The following DRC11 variants were observed in gnomAD, a reference collection of about 807,000 sequenced individuals.
DRC11 encodes dynein regulatory complex subunit 11, also known as IQ and AAA domain-containing protein 1.
the DRC11 span, among the ~76,000 whole-genome samples, chr2:236,421,297 A>G: frequency 1.3e-5 from 2 of 152,180 alleles, no homozygotes; most frequent in African/African-American, 4.8e-5. Flanking sequence ...GATCAACTAA[A>G]TTGATAGACT....
At chr2:236,464,825 C>G in the DRC11 span, among the ~76,000 whole-genome samples, 1 of 151,968 alleles carries the variant, frequency 6.6e-6, no homozygotes, top group Non-Finnish European at 1.5e-5. Context: ...TGTGGCACCA[C>G]CCCCTGCCGC....
chr2:236,503,256 G>A, the DRC11 span, among the ~76,000 whole-genome samples: 2 of 152,198 alleles, frequency 1.3e-5, no homozygotes, highest in East Asian at 1.9e-4. This position sits in a 1 kb window ranked among gnomAD's most constrained non-coding sequence, Gnocchi z 4.9. Flanking sequence ...ATCTCGGGTT[G>A]AAGAGGCTCC....
chr2:236,390,067 G>A, the DRC11 span, among the ~76,000 whole-genome samples: 2 of 152,170 alleles, frequency 1.3e-5, no homozygotes, highest in Non-Finnish European at 2.9e-5. The surrounding 1 kb of genome is among the most constrained non-coding windows in gnomAD (Gnocchi z 5.9). Context: ...ATTACTGAGA[G>A]TGGGATAGTG....
the DRC11 span, among the ~76,000 whole-genome samples, chr2:236,483,696 G>A: frequency 3.3e-5 from 5 of 152,190 alleles, no homozygotes; most frequent in East Asian, 1.9e-4. The surrounding 1 kb of genome is among the most constrained non-coding windows in gnomAD (Gnocchi z 4.8). Flanking sequence ...AATGCAGGAT[G>A]AGGGGCCAGG....
chr2:236,493,911 A>G, the DRC11 span: 2 of 1,567,474 alleles, frequency 1.3e-6, no homozygotes, highest in Non-Finnish European at 1.7e-6. Flanking sequence ...AGAATAAAAA[A>G]GAGTATTTCC....
the DRC11 span, chr2:236,503,751 C>T: frequency 8.2e-5 from 123 of 1,492,456 alleles, no homozygotes; most frequent in Non-Finnish European, 1.1e-4. This position sits in a 1 kb window ranked among gnomAD's most constrained non-coding sequence, Gnocchi z 4.9. Context: ...ACCACACCCC[C>T]TCCCACACTG....
chr2:236,441,129 A>AG, the DRC11 span: 1 of 1,546,054 alleles, frequency 6.5e-7, no homozygotes, highest in South Asian at 1.2e-5. Context: ...AAATTTCTGC[A>AG]GGAAAAAAAA....
the DRC11 span, among the ~76,000 whole-genome samples, chr2:236,358,320 A>G: frequency 7.5e-6 from 1 of 133,768 alleles, no homozygotes; most frequent in Non-Finnish European, 1.5e-5. Context: ...GATATATACT[A>G]TATGAATATA....
the DRC11 span, among the ~76,000 whole-genome samples, chr2:236,357,436 ATG>A: frequency 7.9e-6 from 1 of 126,522 alleles, no homozygotes; most frequent in East Asian, 2.3e-4. Flanking sequence ...TACATAGTAT[ATG>A]TATATTTATA....
the DRC11 span, among the ~76,000 whole-genome samples, chr2:236,457,407 A>G: frequency 6.6e-6 from 1 of 152,184 alleles, no homozygotes; most frequent in Non-Finnish European, 1.5e-5. This position sits in a 1 kb window ranked among gnomAD's most constrained non-coding sequence, Gnocchi z 4.7. Context: ...CCTGGTCTGG[A>G]CAAATACAAA....
the DRC11 span, among the ~76,000 whole-genome samples, chr2:236,491,153 C>CACAGTATATATATATAT: frequency 7.7e-5 from 4 of 52,026 alleles, no homozygotes; most frequent in East Asian, 3.8e-4. Context: ...TATATATATA[C>CACAGTATATATATATAT]ACACAGTATA....
the DRC11 span, among the ~76,000 whole-genome samples, chr2:236,410,784 A>T: frequency 6.7e-6 from 1 of 149,234 alleles, no homozygotes; most frequent in Non-Finnish European, 1.5e-5. Context: ...TGAGAAAAAC[A>T]AGCAATGGGG....
At chr2:236,419,137 C>A in the DRC11 span, 5 of 1,512,968 alleles carry the variant, frequency 3.3e-6, no homozygotes, top group South Asian at 5.3e-5. This position sits in a 1 kb window ranked among gnomAD's most constrained non-coding sequence, Gnocchi z 4.8. Context: ...AAATTTCATA[C>A]AAATATTTTA....
the DRC11 span, among the ~76,000 whole-genome samples, chr2:236,476,732 T>G: frequency 6.8e-6 from 1 of 147,744 alleles, no homozygotes; most frequent in South Asian, 2.1e-4. This position sits in a 1 kb window ranked among gnomAD's most constrained non-coding sequence, Gnocchi z 4.7. Context: ...TCTTTTTTTT[T>G]CCTGATTGTA....
At chr2:236,497,601 A>AATAT in the DRC11 span, 8 of 714,592 alleles carry the variant, frequency 1.1e-5, no homozygotes, top group Non-Finnish European at 1.6e-5. The surrounding 1 kb of genome is among the most constrained non-coding windows in gnomAD (Gnocchi z 5.1). Context: ...GTGAGCTAAG[A>AATAT]ATATAGTTAT....
the DRC11 span, among the ~76,000 whole-genome samples, chr2:236,505,642 T>C: frequency 6.6e-6 from 1 of 152,108 alleles, no homozygotes; most frequent in Non-Finnish European, 1.5e-5. Flanking sequence ...TCATCTTCCA[T>C]CTACCATGAT....
chr2:236,461,423 A>G, the DRC11 span, among the ~76,000 whole-genome samples: 2 of 152,246 alleles, frequency 1.3e-5, no homozygotes, highest in Non-Finnish European at 1.5e-5. The surrounding 1 kb of genome is among the most constrained non-coding windows in gnomAD (Gnocchi z 4.0). Context: ...CTGCATTTCC[A>G]TGATTGCAAC....
the DRC11 span, among the ~76,000 whole-genome samples, chr2:236,505,348 C>T: frequency 6.6e-6 from 1 of 152,156 alleles, no homozygotes; most frequent in African/African-American, 2.4e-5. Flanking sequence ...TTATTTTGCA[C>T]AAGATAAAAC....
the DRC11 span, among the ~76,000 whole-genome samples, chr2:236,312,926 C>A: frequency 6.6e-5 from 10 of 151,990 alleles, no homozygotes; most frequent in African/African-American, 2.4e-4. Flanking sequence ...AAACTTTATG[C>A]TGATAAATTT....
Sources: allele counts gnomAD v4.1 joint callset (sites outside exome capture counted in the v4.1 genomes callset), GRCh38; gene constraint gnomAD v4.1.1; non-coding constraint Gnocchi (gnomAD v3.1); transcripts MANE v1.5; gene names NCBI Gene and HGNC (gene_info 2026-07-23, HGNC 2026-07-21).